BMPR1A: variants seen among roughly 807,000 people sequenced by gnomAD.
BMPR1A encodes the protein bone morphogenetic protein receptor type 1A.
BMPR1A carries 7 observed loss-of-function variants against 66.0 expected under a neutral mutation model. That is an observed-to-expected ratio of 0.11 (90% CI 0.06 to 0.20). The LOEUF is 0.20. BMPR1A is among the 10% of genes least tolerant of loss of function. The probability of loss-of-function intolerance (pLI) is 1.00; values close to 1 mark genes in which losing one functional copy is unlikely to be tolerated. For missense variants in BMPR1A, 408 were observed against 669.1 expected, an observed-to-expected ratio of 0.61 and a Z score of 4.31; for synonymous variants, 200 against 229.7, an observed-to-expected ratio of 0.87 and a Z score of 1.17.
At chr10:86,776,290 T>C (rs1053261835) in intron 1 of BMPR1A, among the ~76,000 whole-genome samples, 2 of 152,236 alleles carry the variant, frequency 1.3e-5, no homozygotes, top group African/African-American at 4.8e-5. Flanking sequence ...TTGAGTTGCC[T>C]GCAGCAAGTA....
At chr10:86,916,417 C>T (rs888853427) in intron 8 of BMPR1A, among the ~76,000 whole-genome samples, 1 of 152,216 alleles carries the variant, frequency 6.6e-6, no homozygotes, top group African/African-American at 2.4e-5. Context: ...GCCGACAGTT[C>T]ATGCTGCCAT....
At chr10:86,839,785 A>G (rs1029674346) in intron 2 of BMPR1A, among the ~76,000 whole-genome samples, 2 of 151,602 alleles carry the variant, frequency 1.3e-5, no homozygotes, top group African/African-American at 4.8e-5. Context: ...AGTCTCCCAC[A>G]TAGCTGGGAC....
intron 1 of BMPR1A, among the ~76,000 whole-genome samples, chr10:86,765,708 T>C (rs907665572): frequency 2.6e-5 from 4 of 152,184 alleles, no homozygotes; most frequent in African/African-American, 9.7e-5. Context: ...GAACTGTGTG[T>C]TTTCTGTTAA....
intron 1 of BMPR1A, among the ~76,000 whole-genome samples, chr10:86,783,597 T>C (rs1473802835): frequency 6.6e-6 from 1 of 152,262 alleles, no homozygotes; most frequent in Non-Finnish European, 1.5e-5. Context: ...AGTTTTACTT[T>C]ATTTTTTTAG....
intron 1 of BMPR1A, among the ~76,000 whole-genome samples, chr10:86,798,259 A>C (rs1841753712): frequency 6.6e-6 from 1 of 152,170 alleles, no homozygotes; most frequent in Non-Finnish European, 1.5e-5. Flanking sequence ...CTTTGCAAAA[A>C]CCAAGTAATT....
Position 86,919,107 on chromosome 10 carries a change from G to C in BMPR1A, c.869-65G>C, listed in dbSNP as rs560063528. 2.5e-6 allele frequency: 4 copies of C among 1,580,552 alleles called. No homozygotes were observed. In the African/African-American group the frequency reaches 5.4e-5, roughly 21 times the overall value. ...CTAAGTTTTTCTCAGTATCCAGAAT[G>C]AGCATTACTTCTCCCTAGCCTATCT... On this transcript the variant is annotated intron_variant, in intron 9 of 12. Transcript: ENST00000372037.
chr10:86,760,218 ATTGTT>A (rs1841023430), intron 1 of BMPR1A, among the ~76,000 whole-genome samples: 1 of 21,552 alleles, frequency 4.6e-5, no homozygotes, highest in Non-Finnish European at 8.3e-5. Context: ...TTAATACCTT[ATTGTT>A]TTTTCTTTCT....
chr10:86,834,955 G>A (rs531995991), intron 1 of BMPR1A, among the ~76,000 whole-genome samples: 1 of 152,146 alleles, frequency 6.6e-6, no homozygotes, highest in Non-Finnish European at 1.5e-5. Flanking sequence ...TGCTGAGAAG[G>A]GAGGAGAAAT....
At chr10:86,929,052 G>A (rs1475810499), downstream of BMPR1A, 2 of 151,556 alleles carry the variant, frequency 1.3e-5, no homozygotes, top group Non-Finnish European at 2.9e-5. Context: ...CACAATATTT[G>A]ACTAAGAAGA....
intron 8 of BMPR1A, among the ~76,000 whole-genome samples, chr10:86,914,824 C>G (rs1221873308): frequency 6.6e-6 from 1 of 152,184 alleles, no homozygotes; most frequent in Admixed American, 6.5e-5. Context: ...TAAGGGCATA[C>G]TTTCCGTACA....
At chr10:86,757,570 A>G (rs536097124) in intron 1 of BMPR1A, among the ~76,000 whole-genome samples, 13 of 152,250 alleles carry the variant, frequency 8.5e-5, no homozygotes, top group Non-Finnish European at 1.8e-4. Context: ...TGCGTCAGGG[A>G]AGAAAAATAA....
chr10:86,912,149 G>T, intron 7 of BMPR1A, 91 bp from the exon 8 acceptor site: 1 of 1,364,214 alleles, frequency 7.3e-7, no homozygotes, highest in Admixed American at 2.0e-5. Context: ...CTTTCTGAGG[G>T]AAGGATAATG....
chr10:86,856,582 G>C (rs189357912), intron 2 of BMPR1A, among the ~76,000 whole-genome samples: 1 of 152,274 alleles, frequency 6.6e-6, no homozygotes, highest in Admixed American at 6.5e-5. Context: ...ATAAATTATA[G>C]ACCAGTCTTG....
rs537127760 is a variant in BMPR1A, at chr10:86,873,249, A to G, written c.-152-2618A>G. On this transcript the variant is annotated intron_variant, in intron 2 of 12. Transcript: ENST00000372037. ...CCTTGCAGCAGGAACAACCATACTC[A>G]TATTTGTATTTCTGGTACCTAACAC... 2.6e-5 allele frequency among the ~76,000 whole-genome samples: 4 copies of G among 152,202 alleles called. No individual in the cohort carries two copies. The East Asian group carries it at 7.7e-4, about 29-fold the overall frequency.
intron 2 of BMPR1A, among the ~76,000 whole-genome samples, chr10:86,853,713 G>A (rs1017892766): frequency 5.9e-5 from 9 of 152,180 alleles, no homozygotes; most frequent in African/African-American, 1.2e-4. Context: ...CCCACAAGCC[G>A]TGAAACCAGC....
At chr10:86,847,215 G>A (rs955587603) in intron 2 of BMPR1A, among the ~76,000 whole-genome samples, 4 of 152,128 alleles carry the variant, frequency 2.6e-5, no homozygotes, top group African/African-American at 4.8e-5. Flanking sequence ...ATATGGTATA[G>A]TGGGGAGAGC....
At chr10:86,876,239 A>C (rs542343058) in intron 3 of BMPR1A, among the ~76,000 whole-genome samples, 154 bp downstream of exon 3, 6 of 152,302 alleles carry the variant, frequency 3.9e-5, no homozygotes, top group African/African-American at 1.2e-4. Flanking sequence ...GTGCCAAATA[A>C]TTTTTTAACT....
Position 86,847,734 on chromosome 10 carries a change from A to G in BMPR1A, c.-153+8755A>G, listed in dbSNP as rs148308955. Among the ~76,000 whole-genome samples, 39 of 151,676 alleles carry G rather than the reference A, an allele frequency of 2.6e-4. No homozygotes were observed. In the East Asian group the frequency reaches 5.7e-3, roughly 22 times the overall value. On this transcript the variant is annotated intron_variant, in intron 2 of 12. Coordinates refer to ENST00000372037, the MANE Select transcript of BMPR1A (RefSeq NM_004329.3). ...GTAAGCAGCCTATTAATAAGTTCCT[A>G]TATAAAATTTTAAACACTATGCACC...
chr10:86,921,753 G>A (rs2133609521), intron 11 of BMPR1A, 58 bp downstream of exon 11: 1 of 1,608,960 alleles, frequency 6.2e-7, no homozygotes, highest in South Asian at 1.1e-5. Flanking sequence ...AAAAATAACA[G>A]CTCCAGTTAT....
Sources: gnomAD v4.1 joint callset for allele counts (sites outside exome capture counted in the v4.1 genomes callset) on GRCh38, gnomAD v4.1.1 for gene constraint, MANE v1.5 for transcripts, NCBI Gene and HGNC (gene_info 2026-07-23, HGNC 2026-07-21) for gene names.